VPS13B: variants seen among roughly 807,000 people sequenced by gnomAD.
VPS13B encodes the protein vacuolar protein sorting 13 homolog B.
VPS13B carries 285 observed loss-of-function variants against 426.4 expected under a neutral mutation model. That is an observed-to-expected ratio of 0.67 (90% CI 0.61 to 0.74). VPS13B has a LOEUF of 0.74. VPS13B is among the 30% of genes least tolerant of loss of function. VPS13B has a pLI of 0.00. For missense variants in VPS13B, 4,537 were observed against 4,782.6 expected (o/e 0.95, Z 1.51); for synonymous variants, 1,676 against 1,676.4 (o/e 1.00, Z 0.01).
At chr8:99,072,933 T>A (rs544058656) in intron 3 of VPS13B, among the ~76,000 whole-genome samples, 1 of 152,364 alleles carries the variant, frequency 6.6e-6, no homozygotes, top group East Asian at 1.9e-4. Context: ...TTCTGGGTTC[T>A]CTTTTCTGTT....
chr8:99,059,979 G>C (rs776118304), intron 3 of VPS13B, among the ~76,000 whole-genome samples: 2 of 151,274 alleles, frequency 1.3e-5, no homozygotes, highest in African/African-American at 2.4e-5. Flanking sequence ...CAGGTGATCC[G>C]CCCACCTCGG....
intron 19 of VPS13B, among the ~76,000 whole-genome samples, chr8:99,350,000 A>C (rs1433512570): frequency 6.6e-6 from 1 of 152,232 alleles, no homozygotes; most frequent in Non-Finnish European, 1.5e-5. Context: ...TAAACATCAC[A>C]GAAGAGAGAT....
intron 19 of VPS13B, among the ~76,000 whole-genome samples, chr8:99,383,670 A>G (rs1156805428): frequency 1.3e-5 from 2 of 152,024 alleles, no homozygotes; most frequent in African/African-American, 4.8e-5. Context: ...TTTTGTCTCT[A>G]TGTTTTTGCC....
chr8:99,549,447 T>C (rs1824159115), intron 30 of VPS13B, among the ~76,000 whole-genome samples: 1 of 152,170 alleles, frequency 6.6e-6, no homozygotes, highest in South Asian at 2.1e-4. Flanking sequence ...TAGGGTTTTT[T>C]TTCCTGACAA....
chr8:99,604,637 C>A (rs2133863807), intron 33 of VPS13B, among the ~76,000 whole-genome samples: 1 of 151,776 alleles, frequency 6.6e-6, no homozygotes, highest in East Asian at 2.0e-4. Context: ...GTAGCTGGGA[C>A]TACAGGCGCC....
At chr8:99,372,715 A>C (rs1371820997) in intron 19 of VPS13B, among the ~76,000 whole-genome samples, 1 of 152,206 alleles carries the variant, frequency 6.6e-6, no homozygotes, top group Non-Finnish European at 1.5e-5. Context: ...CACAGTTGGC[A>C]GGAGTGTAAA....
At chr8:99,036,778 G>A (rs997062431) in intron 2 of VPS13B, among the ~76,000 whole-genome samples, 8 of 152,112 alleles carry the variant, frequency 5.3e-5, no homozygotes, top group African/African-American at 1.7e-4. Flanking sequence ...TACACAAGGC[G>A]TAGGGTGGTA....
At position 99,210,275 on chromosome 8, in the gene VPS13B, C is replaced by T. The variant is rs181300752; in HGVS notation, c.2515+17218C>T. 9.1e-4 allele frequency among the ~76,000 whole-genome samples: 139 copies of T among 152,198 alleles called. 1 individual carries two copies. Among genetic ancestry groups the T allele is most frequent in the African/African-American group, 2.8e-3 (117 of 41,548 alleles). Reference sequence around the variant, plus strand: ...TCCAAGGCAGAGCAGCTAATTTTACCCTGGATATTCTCAGCACCTCATTTC... The same window carrying T: ...TCCAAGGCAGAGCAGCTAATTTTACTCTGGATATTCTCAGCACCTCATTTC... On this transcript the variant is annotated intron_variant, in intron 17 of 61. Coordinates refer to ENST00000357162, the MANE Select transcript of VPS13B (RefSeq NM_152564.5).
intron 4 of VPS13B, among the ~76,000 whole-genome samples, chr8:99,101,604 T>C (rs1455767683): frequency 6.6e-6 from 1 of 152,262 alleles, no homozygotes; most frequent in Non-Finnish European, 1.5e-5. Flanking sequence ...ATATTTTGAA[T>C]GTTAATTTTA....
Position 99,431,659 on chromosome 8 carries a change from C to T in VPS13B, c.3205C>T (p.Leu1069=), listed in dbSNP as rs1375304290. ...IVWNAVKHLT[L]QLEVQSCCVF... ...TTGGAATGCAGTGAAGCATCTCACA[C>T]TACAGGTAAAATAAAAGTTAGAAAT... is the stretch of plus-strand genomic sequence containing the variant. The change falls in exon 22 of 62, where the codon CTA becomes TTA. Residue 1069 remains leucine, a synonymous_variant. Coordinates refer to ENST00000357162, the MANE Select transcript of VPS13B (RefSeq NM_152564.5). 2 of 1,612,758 alleles carry T rather than the reference C, an allele frequency of 1.2e-6. No individual in the cohort carries two copies. The highest frequency in any genetic ancestry group is 1.7e-6 in the Non-Finnish European group (2 of 1,179,416).
intron 21 of VPS13B, among the ~76,000 whole-genome samples, chr8:99,428,759 G>T (rs974619185): frequency 6.6e-6 from 1 of 152,190 alleles, no homozygotes; most frequent in African/African-American, 2.4e-5. Flanking sequence ...AATACCATTT[G>T]ACCCAGCCAT....
intron 21 of VPS13B, among the ~76,000 whole-genome samples, chr8:99,399,400 A>G (rs186459028): frequency 6.6e-6 from 1 of 152,306 alleles, no homozygotes; most frequent in Admixed American, 6.5e-5. Context: ...TATTTCTAAG[A>G]TTAATTTTCT....
At chr8:99,472,297 G>A (rs529802134) in intron 24 of VPS13B, among the ~76,000 whole-genome samples, 83 of 152,066 alleles carry the variant, frequency 5.5e-4, no homozygotes, top group Admixed American at 1.1e-3. Context: ...TCCAACAACC[G>A]TAGAATGTGC....
At chr8:99,112,405 T>G (rs1847410845) in intron 6 of VPS13B, among the ~76,000 whole-genome samples, 1 of 152,342 alleles carries the variant, frequency 6.6e-6, no homozygotes, top group Non-Finnish European at 1.5e-5. Flanking sequence ...AAAAATATAG[T>G]ATTTTCTATT....
chr8:99,211,051 C>G (rs1291312589), intron 17 of VPS13B, among the ~76,000 whole-genome samples: 1 of 152,160 alleles, frequency 6.6e-6, no homozygotes, highest in East Asian at 1.9e-4. Context: ...AGCCAGACAT[C>G]CTCACTTCCC....
intron 22 of VPS13B, among the ~76,000 whole-genome samples, chr8:99,432,856 A>T (rs529138998): frequency 6.6e-6 from 1 of 152,308 alleles, no homozygotes; most frequent in South Asian, 2.1e-4. Context: ...TATAAAAGCA[A>T]CTGACAAAAT....
At chr8:99,189,652 G>A (rs1813441089) in intron 16 of VPS13B, among the ~76,000 whole-genome samples, 2 of 151,924 alleles carry the variant, frequency 1.3e-5, no homozygotes, top group South Asian at 2.1e-4. Flanking sequence ...TGATATCAGT[G>A]TCCTTTTCTA....
chr8:99,147,889 T>C lies in VPS13B; in HGVS notation c.1892T>C (p.Leu631Pro). 6.2e-7 allele frequency: 1 copy of C among 1,610,822 alleles called. No homozygotes were observed. The highest frequency in any genetic ancestry group is 8.5e-7 in the Non-Finnish European group (1 of 1,178,812). Residue 631 changes from leucine (L) to proline (P), a missense_variant, in exon 14 of 62, where the codon CTT (leucine) becomes CCT (proline). Leu to Pro is a moderately conservative substitution (Grantham distance 98). Transcript: ENST00000357162. ...ETILNPEEVA[L>P]LEEYIPTRHT... ...ATACTGAATCCTGAAGAGGTGGCTC[T>C]TCTGGAGGAATATATTCCTACTCGA...
rs187471697 is a variant in VPS13B at position 99,632,423 on chromosome 8, T to G, written c.5221-9388T>G. Among the ~76,000 whole-genome samples, 941 of 152,090 alleles carry G rather than the reference T, an allele frequency of 6.2e-3. 7 individuals carry two copies. Among genetic ancestry groups the G allele is most frequent in the African/African-American group, 0.021 (883 of 41,562 alleles). On this transcript the variant is annotated intron_variant, in intron 33 of 61. Coordinates refer to ENST00000357162, the MANE Select transcript of VPS13B (RefSeq NM_152564.5). ...ATTACCTTCATTAATATACAGAAAGTTGCTTTCTTAGAACAGCAAGAATGA... is the reference window on the plus strand; with the variant it reads ...ATTACCTTCATTAATATACAGAAAGGTGCTTTCTTAGAACAGCAAGAATGA...
Sources: allele counts gnomAD v4.1 joint callset (sites outside exome capture counted in the v4.1 genomes callset), GRCh38; gene constraint gnomAD v4.1.1; transcripts MANE v1.5; gene names NCBI Gene and HGNC (gene_info 2026-07-23, HGNC 2026-07-21).